PI15: variants seen among roughly 807,000 people sequenced by gnomAD.
PI15 encodes peptidase inhibitor 15.
Under a neutral mutation model 31.0 loss-of-function variants are expected in PI15, and 18 were observed. That is an observed-to-expected ratio of 0.58 (90% CI 0.40 to 0.86). The LOEUF (loss-of-function observed/expected upper bound fraction) is 0.86. Ranked by LOEUF, PI15 falls within the 40% of genes least tolerant of loss-of-function variation. The pLI, the probability that PI15 is intolerant of heterozygous loss-of-function variation, is 0.00. For missense variants in PI15, 282 were observed against 328.1 expected (o/e 0.86, Z 1.09); for synonymous variants, 118 against 119.1 (o/e 0.99, Z 0.06).
chr8:74,840,039 A>G (rs1026400972), intron 2 of PI15, among the ~76,000 whole-genome samples: 10 of 152,154 alleles, frequency 6.6e-5, no homozygotes, highest in African/African-American at 2.4e-4. Context: ...AATCATAAGT[A>G]CTTACGGATC....
intron 2 of PI15, among the ~76,000 whole-genome samples, chr8:74,839,200 T>A (rs1198761606): frequency 6.6e-6 from 1 of 152,236 alleles, no homozygotes; most frequent in Non-Finnish European, 1.5e-5. Flanking sequence ...TGTCTTAGTT[T>A]GGTGGTTTAA....
chr8:74,843,715 T>A (rs1004262200), intron 2 of PI15, among the ~76,000 whole-genome samples: 1 of 151,992 alleles, frequency 6.6e-6, no homozygotes, highest in Non-Finnish European at 1.5e-5. Context: ...AATACAAAAA[T>A]TAGCTGGGCA....
chr8:74,826,746 T>C (rs1810705190), intron 2 of PI15, among the ~76,000 whole-genome samples: 1 of 152,070 alleles, frequency 6.6e-6, no homozygotes, highest in Non-Finnish European at 1.5e-5. Flanking sequence ...ATTTTCATCA[T>C]CTCTAATATG....
rs2128762834 is a variant in PI15, at chr8:74,824,657, A to T, written c.-59A>T. 1 of 152,640 alleles carries T rather than the reference A, an allele frequency of 6.6e-6. No individual in the cohort carries two copies. The highest frequency in any genetic ancestry group is 2.1e-4 in the South Asian group (1 of 4,856). 9.5% of individuals were successfully genotyped at this position (152,640 alleles called of 1,614,324 possible). A position where few individuals can be genotyped will look rare whatever the true frequency, so the allele number is the denominator to read the frequency against. On this transcript the variant is annotated 5_prime_UTR_variant, in exon 1 of 6. Transcript: ENST00000260113. The stretch of plus-strand genomic sequence containing the variant: ...AAATTTTTGGAAGAACAATATATTC[A>T]TTTTGGCATTGTGCAGAGGTAAGCT...
chr8:74,852,885 G>T lies in PI15; in HGVS notation c.*3632G>T, dbSNP rs1586961647. The T allele has an allele frequency of 6.6e-6, 1 of 151,994 alleles. No individual in the cohort carries two copies. Among genetic ancestry groups the T allele is most frequent in the Non-Finnish European group, 1.5e-5 (1 of 67,968 alleles). 9.4% of individuals were successfully genotyped at this position (151,994 alleles called of 1,614,324 possible). A position where few individuals can be genotyped will look rare whatever the true frequency, so the allele number is the denominator to read the frequency against. On this transcript the variant is annotated 3_prime_UTR_variant, in exon 6 of 6. Coordinates refer to ENST00000260113, the MANE Select transcript of PI15 (RefSeq NM_015886.5). ...CCATATACCCAGGCTCTGCAGTATC[G>T]AAGGATGCAAATGTTGACATAGATG...
rs752542230 is a variant in PI15 at position 74,854,626 on chromosome 8, G to A, written c.*5373G>A. 2 of 152,058 alleles carry A rather than the reference G, an allele frequency of 1.3e-5. No individual in the cohort carries two copies. The highest frequency in any genetic ancestry group is 4.8e-5 in the African/African-American group (2 of 41,424). The allele number at this position is 152,058 out of a possible 1,614,324, so 9.4% of individuals were successfully genotyped here. A position where few individuals can be genotyped will look rare whatever the true frequency, so the allele number is the denominator to read the frequency against. On this transcript the variant is annotated 3_prime_UTR_variant, in exon 6 of 6. Transcript: ENST00000260113. ...GTTAGCAGTCTTTCAGTTTGGGGGA[G>A]AATTAAATACTGTGCTAAGCTGGTG... is the stretch of plus-strand genomic sequence containing the variant.
chr8:74,842,708 A>G (rs1810962456), intron 2 of PI15, among the ~76,000 whole-genome samples: 1 of 152,156 alleles, frequency 6.6e-6, no homozygotes, highest in Admixed American at 6.5e-5. Flanking sequence ...ATGTCAATCC[A>G]TATGCTAACT....
intron 3 of PI15, 79 bp from the exon 4 acceptor site, chr8:74,845,049 A>C: frequency 2.5e-6 from 3 of 1,212,070 alleles, no homozygotes; most frequent in Non-Finnish European, 3.6e-6. Flanking sequence ...CAAAAAGAAC[A>C]ATCAATTTAC....
At chr8:74,848,722 T>TAG (rs1402460876) in intron 5 of PI15, among the ~76,000 whole-genome samples, 2 of 143,058 alleles carry the variant, frequency 1.4e-5, no homozygotes, top group African/African-American at 5.3e-5. Context: ...TAAATATATA[T>TAG]ATATATATAT....
At chr8:74,828,065 T>C (rs767870340) in intron 2 of PI15, among the ~76,000 whole-genome samples, 8 of 152,170 alleles carry the variant, frequency 5.3e-5, no homozygotes, top group East Asian at 1.9e-4. Context: ...GGCTACATAA[T>C]TGGGGATACA....
Position 74,849,898 on chromosome 8 carries a change from T to G in PI15, c.*645T>G, listed in dbSNP as rs889500609. 1 of 152,168 alleles carries G rather than the reference T, an allele frequency of 6.6e-6. No homozygotes were observed. The highest frequency in any genetic ancestry group is 1.5e-5 in the Non-Finnish European group (1 of 68,018). The allele number at this position is 152,168 out of a possible 1,614,324, so 9.4% of individuals were successfully genotyped here. ...GAGTCCACCAAAGGATAATGCCAAC[T>G]TATATAAGTTCTCAAATCATGCCTT... On this transcript the variant is annotated 3_prime_UTR_variant, in exon 6 of 6. Coordinates refer to ENST00000260113, the MANE Select transcript of PI15 (RefSeq NM_015886.5).
At chr8:74,832,874 CAT>C (rs1465958456) in intron 2 of PI15, among the ~76,000 whole-genome samples, 3 of 152,134 alleles carry the variant, frequency 2.0e-5, no homozygotes, top group Non-Finnish European at 2.9e-5. Flanking sequence ...TTTCACACCA[CAT>C]ACTCCAAACT....
intron 2 of PI15, among the ~76,000 whole-genome samples, chr8:74,835,095 A>G (rs1810843214): frequency 6.6e-6 from 1 of 152,152 alleles, no homozygotes; most frequent in South Asian, 2.1e-4. Context: ...TAGGCCTCTC[A>G]GTTGAATTTT....
intron 5 of PI15, among the ~76,000 whole-genome samples, chr8:74,848,704 A>AAT (rs1425072509): frequency 1.4e-5 from 2 of 143,898 alleles, no homozygotes; most frequent in African/African-American, 2.6e-5. Context: ...ATATATATAC[A>AAT]ATATATATAA....
At chr8:74,827,710 C>T (rs771885190) in intron 2 of PI15, among the ~76,000 whole-genome samples, 7 of 152,194 alleles carry the variant, frequency 4.6e-5, no homozygotes, top group Non-Finnish European at 8.8e-5. Context: ...GGCAGGACCC[C>T]TGAAGATGTA....
intron 1 of PI15, 132 bp from the exon 2 acceptor site, chr8:74,825,078 T>G: frequency 1.5e-6 from 1 of 673,440 alleles, no homozygotes; most frequent in South Asian, 1.8e-5. Flanking sequence ...CTCCTAGGCT[T>G]GAGTTCAACA....
intron 2 of PI15, 45 bp downstream of exon 2, chr8:74,825,567 G>A: frequency 1.3e-6 from 2 of 1,483,892 alleles, no homozygotes; most frequent in Non-Finnish European, 1.8e-6. Context: ...GAGTGAGAAA[G>A]CTTTATATTG....
chr8:74,839,855 CAG>C (rs1347743015), intron 2 of PI15, among the ~76,000 whole-genome samples: 2 of 152,056 alleles, frequency 1.3e-5, no homozygotes. Flanking sequence ...TACAAACACT[CAG>C]AGAAATTTAT....
intron 2 of PI15, among the ~76,000 whole-genome samples, chr8:74,834,022 G>A (rs567336443): frequency 6.6e-6 from 1 of 152,248 alleles, no homozygotes; most frequent in Admixed American, 6.5e-5. Flanking sequence ...GAAGGATCTA[G>A]GTTGTGCACT....
Sources: allele counts gnomAD v4.1 joint callset (sites outside exome capture counted in the v4.1 genomes callset), GRCh38; gene constraint gnomAD v4.1.1; transcripts MANE v1.5; gene names NCBI Gene and HGNC (gene_info 2026-07-23, HGNC 2026-07-21).